The following PAX5 variants were observed in gnomAD, a reference collection of about 807,000 sequenced individuals.
PAX5 encodes the protein paired box protein Pax-5.
In PAX5, 9 loss-of-function variants were observed where a neutral mutation model predicts 43.7. The observed-to-expected ratio is 0.21, with a 90% CI of 0.12 to 0.36. The LOEUF (loss-of-function observed/expected upper bound fraction) is 0.36. PAX5 is among the 10% of genes least tolerant of loss of function. PAX5 has a pLI of 1.00. For synonymous variants in PAX5, 228 were observed against 214.3 expected (o/e 1.06, Z -0.56); for missense variants, 383 against 532.7 (o/e 0.72, Z 2.77).
chr9:37,031,248 T>C (rs1249857661), intron 1 of PAX5, among the ~76,000 whole-genome samples: 1 of 152,208 alleles, frequency 6.6e-6, no homozygotes, highest in East Asian at 1.9e-4. Context: ...GCGCTGGGAC[T>C]ACTCTCTCTC....
intron 6 of PAX5, 141 bp from the exon 7 acceptor site, chr9:36,923,625 C>T: frequency 1.1e-6 from 1 of 895,084 alleles, no homozygotes. Context: ...ATGAACACTT[C>T]CAGTGTTGAA....
chr9:36,887,338 A>G (rs1826989659), intron 7 of PAX5, among the ~76,000 whole-genome samples: 1 of 152,204 alleles, frequency 6.6e-6, no homozygotes, highest in African/African-American at 2.4e-5. Flanking sequence ...AATCCAATGC[A>G]TAGATTATAT....
chr9:36,934,856 GC>G lies in PAX5; in HGVS notation c.781-11373del, dbSNP rs1831412356. Among the ~76,000 whole-genome samples, 3 of 152,190 alleles carry G rather than the reference GC, an allele frequency of 2.0e-5. No individual in the cohort carries two copies. In the South Asian group the frequency reaches 6.2e-4, roughly 32 times the overall value. ...CTCATCTTTGTGGCAGCAGCTCCTG[GC>G]CCAGTGCCCAGCTCTGAACAGATGT... On this transcript the variant is annotated intron_variant, in intron 6 of 9. Coordinates refer to ENST00000358127, the MANE Select transcript of PAX5 (RefSeq NM_016734.3).
intron 7 of PAX5, among the ~76,000 whole-genome samples, chr9:36,915,135 T>C (rs553726970): frequency 1.5e-3 from 224 of 152,366 alleles, no homozygotes; most frequent in African/African-American, 5.0e-3. Context: ...TAGATATCAT[T>C]GTGCATCTAT....
rs1395581875 is a variant in PAX5, at chr9:36,916,488, T to C, written c.910+6867A>G. On this transcript the variant is annotated intron_variant, in intron 7 of 9. Transcript: ENST00000358127. ...CAAAAGAAATCTGTTGGTATTTTGA[T>C]AGAAATTATTTTGAATTAATAGGTT... is the stretch of plus-strand genomic sequence containing the variant. Among the ~76,000 whole-genome samples, 4 of 152,230 alleles carry C rather than the reference T, an allele frequency of 2.6e-5. No homozygotes were observed. In the East Asian group the frequency reaches 7.7e-4, roughly 29 times the overall value.
At chr9:36,981,441 A>AAAAAC (rs1554677043) in intron 5 of PAX5, among the ~76,000 whole-genome samples, 6 of 150,650 alleles carry the variant, frequency 4.0e-5, no homozygotes, top group Non-Finnish European at 8.9e-5. Context: ...TGGCAAAAAA[A>AAAAAC]AAAAAACAAA....
rs1841326507 is a variant in PAX5 at position 37,034,259 on chromosome 9, T to C, written c.-228A>G. On this transcript the variant is annotated 5_prime_UTR_variant, in exon 1 of 10. Transcript: ENST00000358127. Reference sequence around the variant, plus strand: ...AGCGTCCGAAGGCACCGTGAAATGATTAAGGAACTAAAGAGCTTCTCGCCA... The same window carrying C: ...AGCGTCCGAAGGCACCGTGAAATGACTAAGGAACTAAAGAGCTTCTCGCCA... 1 of 539,892 alleles carries C rather than the reference T, an allele frequency of 1.9e-6. No individual in the cohort carries two copies. The highest frequency in any genetic ancestry group is 3.2e-5 in the Admixed American group (1 of 31,378). 33.4% of individuals were successfully genotyped at this position (539,892 alleles called of 1,614,324 possible). A position where few individuals can be genotyped will look rare whatever the true frequency, so the allele number is the denominator to read the frequency against.
Position 36,840,557 on chromosome 9 carries a change from G to A in PAX5, c.*3C>T. On this transcript the variant is annotated 3_prime_UTR_variant, in exon 10 of 10. Coordinates refer to ENST00000358127, the MANE Select transcript of PAX5 (RefSeq NM_016734.3). ...GTGTTTGGTGCCCGCCTGGCTCCAA[G>A]GGTCAGTGACGGTCATAGGCAGTGG... 1.3e-6 allele frequency: 2 copies of A among 1,583,768 alleles called. No individual in the cohort carries two copies. Among genetic ancestry groups the A allele is most frequent in the East Asian group, 2.3e-5 (1 of 43,914 alleles).
intron 3 of PAX5, among the ~76,000 whole-genome samples, chr9:37,012,076 G>C (rs1426319577): frequency 6.6e-6 from 1 of 152,190 alleles, no homozygotes; most frequent in African/African-American, 2.4e-5. Context: ...TCACTGAAGA[G>C]AGCAGGAAGG....
rs1821877452 is a variant in PAX5, at chr9:36,839,483, G to A, written c.*1077C>T. On this transcript the variant is annotated 3_prime_UTR_variant, in exon 10 of 10. Transcript: ENST00000358127. The stretch of plus-strand genomic sequence containing the variant: ...GGCTGTTTGTGATCTGGGTGTGGGG[G>A]AAAGTCCTCTGTGTTAATTATTGTC... 4.3e-6 allele frequency: 1 copy of A among 233,340 alleles called. No individual in the cohort carries two copies. The highest frequency in any genetic ancestry group is 8.5e-6 in the Non-Finnish European group (1 of 118,158). The allele number at this position is 233,340 out of a possible 1,614,324, so 14.5% of individuals were successfully genotyped here. A position where few individuals can be genotyped will look rare whatever the true frequency, so the allele number is the denominator to read the frequency against.
At chr9:36,979,716 C>T (rs1835748930) in intron 5 of PAX5, among the ~76,000 whole-genome samples, 3 of 152,194 alleles carry the variant, frequency 2.0e-5, no homozygotes, top group Admixed American at 1.3e-4. Flanking sequence ...TCCTCAGTGC[C>T]TTGTACCCCA....
chr9:36,968,019 G>A (rs10814486), intron 5 of PAX5, among the ~76,000 whole-genome samples: 86,203 of 152,044 alleles, frequency 0.57, 26,182 homozygotes, highest in East Asian at 0.78. Context: ...GAGGGCAAAT[G>A]TTTCCCGTGA....
At chr9:36,926,519 C>G (rs1830650725) in intron 6 of PAX5, among the ~76,000 whole-genome samples, 2 of 152,238 alleles carry the variant, frequency 1.3e-5, no homozygotes, top group Admixed American at 6.5e-5. Context: ...TTCTGTAGAA[C>G]AAGACTTGGT....
intron 1 of PAX5, among the ~76,000 whole-genome samples, chr9:37,030,494 G>A (rs927233229): frequency 1.3e-5 from 2 of 152,188 alleles, no homozygotes; most frequent in African/African-American, 4.8e-5. Context: ...TCTCACCGCG[G>A]CTCTCAACGC....
At chr9:36,911,278 C>T (rs1413949667) in intron 7 of PAX5, among the ~76,000 whole-genome samples, 2 of 152,174 alleles carry the variant, frequency 1.3e-5, no homozygotes, top group Non-Finnish European at 2.9e-5. Context: ...AGCGAGAGCC[C>T]AATAAGCTGT....
At chr9:36,967,112 CT>C (rs1834513198) in intron 5 of PAX5, among the ~76,000 whole-genome samples, 1 of 152,196 alleles carries the variant, frequency 6.6e-6, no homozygotes, top group Non-Finnish European at 1.5e-5. Context: ...GCTCCTGCCC[CT>C]CCTGTCCTAA....
chr9:36,969,655 GA>G (rs1295705600), intron 5 of PAX5, among the ~76,000 whole-genome samples: 1 of 152,236 alleles, frequency 6.6e-6, no homozygotes, highest in Non-Finnish European at 1.5e-5. Context: ...GGTTCTTTGA[GA>G]GTCAGCCATA....
chr9:37,034,110 T>TTTTTTTTTTTTC lies in PAX5; in HGVS notation c.-80_-79insGAAAAAAAAAAA, dbSNP rs1841307467. On this transcript the variant is annotated 5_prime_UTR_variant, in exon 1 of 10. Transcript: ENST00000358127. The stretch of plus-strand genomic sequence containing the variant: ...TGCCTTTTTTTTTCTTTTTTTTTTT[T>TTTTTTTTTTTTC]TTTTTTTTTTTTTTTTGGTGCCAGG... 4.9e-6 allele frequency: 4 copies of TTTTTTTTTTTTC among 824,654 alleles called. No homozygotes were observed. The South Asian group carries it at 6.8e-5, about 14-fold the overall frequency. 51.1% of individuals were successfully genotyped at this position (824,654 alleles called of 1,614,324 possible).
intron 5 of PAX5, among the ~76,000 whole-genome samples, chr9:36,997,356 A>G (rs571048377): frequency 6.6e-6 from 1 of 152,110 alleles, no homozygotes; most frequent in Non-Finnish European, 1.5e-5. Flanking sequence ...AGGGATTCGC[A>G]CTCCGCTGAC....
Sources: gnomAD v4.1 joint callset for allele counts (sites outside exome capture counted in the v4.1 genomes callset) on GRCh38, gnomAD v4.1.1 for gene constraint, MANE v1.5 for transcripts, NCBI Gene and HGNC (gene_info 2026-07-23, HGNC 2026-07-21) for gene names.